CFTR: variants seen among roughly 807,000 people sequenced by gnomAD.
CFTR encodes CF transmembrane conductance regulator, also known as cystic fibrosis transmembrane conductance regulator.
In CFTR, 181 loss-of-function variants were observed where a neutral mutation model predicts 171.6. That is an observed-to-expected ratio of 1.05 (90% CI 0.93 to 1.19). The LOEUF is 1.19. Among genes scored for constraint, CFTR ranks in the 50% most tolerant of loss-of-function variants. CFTR has a pLI of 0.00. For missense variants in CFTR, 1,968 were observed against 1,734.7 expected (o/e 1.13, Z -2.39); for synonymous variants, 583 against 608.0 (o/e 0.96, Z 0.60).
intron 8 of CFTR, among the ~76,000 whole-genome samples, chr7:117,541,650 A>G (rs573927813): frequency 6.6e-6 from 1 of 151,984 alleles, no homozygotes; most frequent in South Asian, 2.1e-4. Context: ...GAAGACATTC[A>G]TTTTTTTTCT....
At chr7:117,484,341 A>G (rs996807301) in intron 1 of CFTR, among the ~76,000 whole-genome samples, 8 of 152,212 alleles carry the variant, frequency 5.3e-5, no homozygotes, top group African/African-American at 1.9e-4. Context: ...CCCGATTACC[A>G]TGACTCCATT....
intron 22 of CFTR, among the ~76,000 whole-genome samples, chr7:117,628,642 C>A (rs888828310): frequency 6.6e-6 from 1 of 152,062 alleles, no homozygotes; most frequent in Non-Finnish European, 1.5e-5. Context: ...CCGTTACTAA[C>A]ACTGACATAG....
In CFTR at chr7:117,664,764, G is replaced by A. The variant is rs777147679; in HGVS notation, c.4040G>A (p.Ser1347Asn). 5 of 1,614,012 alleles carry A rather than the reference G, an allele frequency of 3.1e-6. No homozygotes were observed. The South Asian group carries it at 5.5e-5, about 18-fold the overall frequency. Residue 1347 changes from serine to asparagine, a missense_variant, in exon 25 of 27, where the codon AGC (serine) becomes AAC (asparagine). By Grantham distance (46) the Ser-to-Asn change is conservative. Transcript: ENST00000003084. The stretch of plus-strand genomic sequence containing the variant: ...CTTGTGGATGGGGGCTGTGTCCTAA[G>A]CCATGGCCACAAGCAGTTGATGTGC... ...FVLVDGGCVL[S>N]HGHKQLMCLA...
intron 15 of CFTR, among the ~76,000 whole-genome samples, chr7:117,599,701 T>G (rs916602270): frequency 6.6e-6 from 1 of 152,138 alleles, no homozygotes. Context: ...AAAATAGTAA[T>G]TTTTTAAAAG....
At chr7:117,653,619 G>A (rs1398431567) in intron 24 of CFTR, among the ~76,000 whole-genome samples, 1 of 152,052 alleles carries the variant, frequency 6.6e-6, no homozygotes, top group Non-Finnish European at 1.5e-5. Flanking sequence ...AATTTGAGGA[G>A]GTGGCGGGGG....
chr7:117,606,247 G>T (rs539589288), intron 17 of CFTR, among the ~76,000 whole-genome samples: 1 of 152,040 alleles, frequency 6.6e-6, no homozygotes, highest in African/African-American at 2.4e-5. Context: ...ATGTCAAAAA[G>T]GTATGGAAGT....
At chr7:117,580,263 C>T (rs1342045902) in intron 11 of CFTR, among the ~76,000 whole-genome samples, 1 of 151,946 alleles carries the variant, frequency 6.6e-6, no homozygotes, top group Non-Finnish European at 1.5e-5. Context: ...TAAAAATAGG[C>T]ATTTCACAGG....
In CFTR at chr7:117,540,342, T is replaced by C. The variant is rs140026105; in HGVS notation, c.1112T>C (p.Ile371Thr). The change falls in exon 8 of 27, where the codon ATA (isoleucine) becomes ACA (threonine). Residue 371 changes from isoleucine (I) to threonine (T), a missense_variant. By Grantham distance (89) the Ile-to-Thr change is moderately conservative. Transcript: ENST00000003084. ...WYDSLGAINK[I>T]QDFLQKQEYK... ...GACTCTCTTGGAGCAATAAACAAAATACAGGTAATGTACCATAATGCTGCA... is the reference window on the plus strand; with the variant it reads ...GACTCTCTTGGAGCAATAAACAAAACACAGGTAATGTACCATAATGCTGCA... 1 of 1,613,318 alleles carries C rather than the reference T, an allele frequency of 6.2e-7. No individual in the cohort carries two copies. The highest frequency in any genetic ancestry group is 8.5e-7 in the Non-Finnish European group (1 of 1,179,318).
chr7:117,493,866 A>G (rs1470857489), intron 1 of CFTR, among the ~76,000 whole-genome samples: 1 of 152,040 alleles, frequency 6.6e-6, no homozygotes, highest in African/African-American at 2.4e-5. Flanking sequence ...GGGAAGTCTG[A>G]ATCCAATGCC....
intron 3 of CFTR, among the ~76,000 whole-genome samples, chr7:117,510,818 A>G (rs1186527173): frequency 2.0e-5 from 3 of 152,148 alleles, no homozygotes; most frequent in African/African-American, 7.2e-5. Flanking sequence ...TGAGTACCTA[A>G]TCTGTTCCAG....
At position 117,602,832 on chromosome 7, in the gene CFTR, GCTT is replaced by G; in HGVS notation, c.2630_2632del (p.Ser877del). 1 of 1,613,944 alleles carries G rather than the reference GCTT, an allele frequency of 6.2e-7. No homozygotes were observed. Among genetic ancestry groups the G allele is most frequent in the Non-Finnish European group, 8.5e-7 (1 of 1,179,820 alleles). On this transcript the variant is annotated inframe_deletion, in exon 16 of 27. Transcript: ENST00000003084. Reference sequence around the variant, plus strand: ...GTGTCTTGTTCCATTCCAGGTGGCTGCTTCTTTGGTTGTGCTGTGGCTCCTTGG... The same window carrying G: ...GTGTCTTGTTCCATTCCAGGTGGCTGCTTTGGTTGTGCTGTGGCTCCTTGG...
At chr7:117,500,229 T>C (rs987060882) in intron 1 of CFTR, among the ~76,000 whole-genome samples, 5 of 152,012 alleles carry the variant, frequency 3.3e-5, no homozygotes, top group Admixed American at 3.3e-4. Context: ...TAAGACTGGC[T>C]TGAGGTAGGC....
At chr7:117,509,564 A>G (rs1042928950) in intron 3 of CFTR, among the ~76,000 whole-genome samples, 1 of 152,172 alleles carries the variant, frequency 6.6e-6, no homozygotes, top group Non-Finnish European at 1.5e-5. Flanking sequence ...TCATATCTGC[A>G]TGGTGAATTG....
At chr7:117,555,075 T>G (rs547126737) in intron 10 of CFTR, among the ~76,000 whole-genome samples, 8 of 152,284 alleles carry the variant, frequency 5.3e-5, no homozygotes, top group South Asian at 2.1e-4. Flanking sequence ...GGAAAATTTT[T>G]GGGGTTTTTT....
Position 117,556,212 on chromosome 7 carries a change from G to A in CFTR, c.1393-3252G>A, listed in dbSNP as rs142213482. Among the ~76,000 whole-genome samples the A allele has an allele frequency of 6.6e-3, 988 of 150,680 alleles. 31 individuals are homozygous for A. The highest frequency in any genetic ancestry group is 0.046 in the East Asian group (234 of 5,038). ...CCCAAGTAGCTGGGACTACAGGCAC[G>A]CACAACCACACTCAGCTAATTTTTG... On this transcript the variant is annotated intron_variant, in intron 10 of 26. Coordinates refer to ENST00000003084, the MANE Select transcript of CFTR (RefSeq NM_000492.4).
At position 117,592,614 on chromosome 7, in the gene CFTR, C is replaced by A; in HGVS notation, c.2447C>A (p.Thr816Asn). 1 of 1,532,074 alleles carries A rather than the reference C, an allele frequency of 6.5e-7. No homozygotes were observed. Among genetic ancestry groups the A allele is most frequent in the Non-Finnish European group, 8.7e-7 (1 of 1,147,102 alleles). The allele number at this position is 1,532,074 out of a possible 1,614,324, so 94.9% of individuals were successfully genotyped here. A position where few individuals can be genotyped will look rare whatever the true frequency, so the allele number is the denominator to read the frequency against. ...TATTCAAGAAGGTTATCTCAAGAAACTGGCTTGGAAATAAGTGAAGAAATT... is the reference window on the plus strand; with the variant it reads ...TATTCAAGAAGGTTATCTCAAGAAAATGGCTTGGAAATAAGTGAAGAAATT... ...DIYSRRLSQE[T>N]GLEISEEINE... Residue 816 changes from threonine to asparagine, a missense_variant, in exon 14 of 27, where the codon ACT becomes AAT. Coordinates refer to ENST00000003084, the MANE Select transcript of CFTR (RefSeq NM_000492.4).
intron 14 of CFTR, among the ~76,000 whole-genome samples, chr7:117,592,995 T>G (rs547001414): frequency 6.6e-6 from 1 of 152,360 alleles, no homozygotes; most frequent in East Asian, 1.9e-4. Context: ...TATAAATAAC[T>G]GTATAAATAA....
At chr7:117,525,306 G>A (rs1446952576) in intron 3 of CFTR, among the ~76,000 whole-genome samples, 1 of 150,592 alleles carries the variant, frequency 6.6e-6, no homozygotes, top group Admixed American at 6.6e-5. Context: ...TTCCAACTAT[G>A]TGGTCAATTT....
intron 11 of CFTR, chr7:117,586,366 G>A (rs1791934612): frequency 6.6e-6 from 1 of 152,170 alleles, no homozygotes; most frequent in African/African-American, 2.4e-5. Context: ...CGAGTCCACT[G>A]AGTCCTGCTA....
Sources: gnomAD v4.1 joint callset for allele counts (sites outside exome capture counted in the v4.1 genomes callset) on GRCh38, gnomAD v4.1.1 for gene constraint, MANE v1.5 for transcripts, NCBI Gene and HGNC (gene_info 2026-07-23, HGNC 2026-07-21) for gene names.